The following C4orf50 variants were observed in gnomAD, a reference collection of about 807,000 sequenced individuals.
C4orf50 encodes uncharacterized protein C4orf50.
C4orf50 carries 80 observed loss-of-function variants against 77.2 expected under a neutral mutation model. The observed-to-expected ratio is 1.04, with a 90% CI of 0.87 to 1.25. C4orf50 has a LOEUF of 1.25. Ranked by LOEUF, C4orf50 falls within the 50% of genes most tolerant of loss-of-function variation. C4orf50 has a pLI of 0.00. For synonymous variants in C4orf50, 532 were observed against 465.3 expected (o/e 1.14, Z -1.84); for missense variants, 1,257 against 1,152.9 (o/e 1.09, Z -1.31).
chr4:5,935,809 A>AAACAG (rs1185314334), intron 7 of C4orf50, among the ~76,000 whole-genome samples: 1 of 149,604 alleles, frequency 6.7e-6, no homozygotes, highest in African/African-American at 2.5e-5. Context: ...AAAAAAAAAA[A>AAACAG]AGCCCCAGAG....
chr4:5,899,891 T>C (rs1312194629), intron 7 of C4orf50: 5 of 152,162 alleles, frequency 3.3e-5, no homozygotes, highest in Non-Finnish European at 7.3e-5. Flanking sequence ...GGGTGAAGAA[T>C]CATCAGTACA....
chr4:5,978,069 A>T (rs373429729), intron 29 of C4orf50, among the ~76,000 whole-genome samples: 1 of 152,362 alleles, frequency 6.6e-6, no homozygotes, highest in East Asian at 1.9e-4. Context: ...ACGTGAAAAG[A>T]TGTTCCACAT....
chr4:5,904,611 TC>T (rs1716470687), intron 7 of C4orf50: 2 of 152,080 alleles, frequency 1.3e-5, no homozygotes, highest in African/African-American at 4.8e-5. Context: ...GGAGGCAGAG[TC>T]CGTCTCTGGA....
intron 7 of C4orf50, among the ~76,000 whole-genome samples, chr4:5,938,946 A>G (rs1348618662): frequency 2.0e-5 from 3 of 152,006 alleles, no homozygotes; most frequent in East Asian, 3.9e-4. Context: ...TTTTTGATTT[A>G]TGAAAGAAAT....
intron 33 of C4orf50, among the ~76,000 whole-genome samples, chr4:5,962,533 T>G (rs1451562706): frequency 2.0e-5 from 3 of 152,210 alleles, no homozygotes; most frequent in African/African-American, 7.2e-5. Flanking sequence ...GAGCTCCAGA[T>G]TGGAACTTTG....
intron 32 of C4orf50, 97 bp from the exon 11 acceptor site, chr4:5,965,242 C>T (rs1004579431): frequency 1.9e-5 from 24 of 1,289,708 alleles, no homozygotes; most frequent in Non-Finnish European, 2.6e-5. Flanking sequence ...CACTCTCTAG[C>T]CATTCCCAGA....
At chr4:5,984,894 A>T (rs2108785224) in intron 28 of C4orf50, among the ~76,000 whole-genome samples, 1 of 152,122 alleles carries the variant, frequency 6.6e-6, no homozygotes, top group East Asian at 1.9e-4. Context: ...GCAGGACAAA[A>T]ACAAATAAAA....
intron 28 of C4orf50, among the ~76,000 whole-genome samples, chr4:5,983,601 G>A (rs1315255031): frequency 6.6e-6 from 1 of 152,192 alleles, no homozygotes; most frequent in Non-Finnish European, 1.5e-5. Flanking sequence ...TACAAGTAAT[G>A]CTTTGCAGGC....
At chr4:6,005,327 C>A (rs533584864) in intron 25 of C4orf50, among the ~76,000 whole-genome samples, 1 of 152,302 alleles carries the variant, frequency 6.6e-6, no homozygotes, top group African/African-American at 2.4e-5. Context: ...GCCTAGAGTG[C>A]AGCCTTGAGA....
At chr4:5,985,102 T>TGAA (rs1720789257) in intron 28 of C4orf50, among the ~76,000 whole-genome samples, 1 of 151,350 alleles carries the variant, frequency 6.6e-6, no homozygotes, top group Admixed American at 6.6e-5. Context: ...GCCAAAAGAG[T>TGAA]GAAATACCTG....
At chr4:5,973,296 G>A (rs1720038107) in intron 31 of C4orf50, among the ~76,000 whole-genome samples, 1 of 152,232 alleles carries the variant, frequency 6.6e-6, no homozygotes, top group Non-Finnish European at 1.5e-5. Flanking sequence ...AGGAGGTCAT[G>A]GGGTGACCAA....
chr4:5,966,907 C>A lies in C4orf50; in HGVS notation c.4153+507G>T, dbSNP rs1400899594. Among the ~76,000 whole-genome samples the A allele has an allele frequency of 3.3e-5, 5 of 152,310 alleles. No homozygotes were observed. In the East Asian group the frequency reaches 7.7e-4, roughly 24 times the overall value. On this transcript the variant is annotated intron_variant, in intron 32 of 33. Coordinates refer to ENST00000531445, the Ensembl canonical transcript of C4orf50. The stretch of plus-strand genomic sequence containing the variant: ...TCGTGATCCGCCTGCCTCGGCCCCC[C>A]AAAGTGCTGGGATTACAGGCGTGAG...
intron 25 of C4orf50, among the ~76,000 whole-genome samples, chr4:5,995,995 AGACCCGCT>A (rs1449077478): frequency 2.0e-5 from 3 of 152,110 alleles, no homozygotes; most frequent in Non-Finnish European, 4.4e-5. Context: ...GCTACCAGGG[AGACCCGCT>A]GATCACCCAG....
intron 28 of C4orf50, among the ~76,000 whole-genome samples, chr4:5,983,855 G>T (rs1335385109): frequency 4.6e-5 from 7 of 151,592 alleles, no homozygotes; most frequent in Admixed American, 3.3e-4. Context: ...GAGAATGAAA[G>T]TCCAAATACT....
At chr4:5,954,636 C>A (rs575641654), downstream of C4orf50, among the ~76,000 whole-genome samples, 1 of 152,064 alleles carries the variant, frequency 6.6e-6, no homozygotes, top group South Asian at 2.1e-4. The surrounding 1 kb of genome is among the most constrained non-coding windows in gnomAD (Gnocchi z 4.7). Flanking sequence ...GACGTGCCAG[C>A]CTGTATTCGA....
At chr4:5,947,188 C>T (rs1206861046) in intron 7 of C4orf50, among the ~76,000 whole-genome samples, 1 of 152,124 alleles carries the variant, frequency 6.6e-6, no homozygotes, top group Non-Finnish European at 1.5e-5. Flanking sequence ...TGCTGAGACC[C>T]CATTCATGAG....
In C4orf50 at chr4:5,935,784, T is replaced by TAAAAA. The variant is rs769910855; in HGVS notation, c.*2474+21112_*2474+21116dup. Among the ~76,000 whole-genome samples, 62 of 31,480 alleles carry TAAAAA rather than the reference T, an allele frequency of 2.0e-3. 3 individuals are homozygous for TAAAAA. The highest frequency in any genetic ancestry group is 4.5e-3 in the African/African-American group (57 of 12,574). 20.7% of individuals were successfully genotyped at this position (31,480 alleles called of 152,430 possible). ...CTGGGCGACAGAGGGAGACTCCGTC[T>TAAAAA]AAAAAAAAAAAAAAAAAAAAAAAAA... On this transcript the variant is annotated intron_variant, in intron 7 of 7. Coordinates refer to the C4orf50 transcript ENST00000324058.
chr4:5,978,320 T>G (rs992852049), intron 29 of C4orf50, among the ~76,000 whole-genome samples: 2 of 151,978 alleles, frequency 1.3e-5, no homozygotes, highest in African/African-American at 4.8e-5. Context: ...AACTGAGAAC[T>G]ATAAAAAAAA....
At chr4:5,926,090 C>T in intron 7 of C4orf50, among the ~76,000 whole-genome samples, 1 of 152,140 alleles carries the variant, frequency 6.6e-6, no homozygotes, top group East Asian at 1.9e-4. Context: ...TTCCTTTCGC[C>T]CAACGTGTCT....
Sources: gnomAD v4.1 joint callset for allele counts (sites outside exome capture counted in the v4.1 genomes callset) on GRCh38, gnomAD v4.1.1 for gene constraint, Gnocchi (gnomAD v3.1) non-coding constraint, MANE v1.5 for transcripts, NCBI Gene and HGNC (gene_info 2026-07-23, HGNC 2026-07-21) for gene names.